Variants in RBFOX1 observed in about 807,000 individuals in gnomAD.
RBFOX1 encodes RNA binding fox-1 homolog 1, also known as RNA binding protein fox-1 homolog 1.
In RBFOX1, 8 loss-of-function variants were observed where a neutral mutation model predicts 57.7. That is an observed-to-expected ratio of 0.14 (90% confidence interval 0.08 to 0.25). RBFOX1 has a LOEUF of 0.25. Among genes scored for constraint, RBFOX1 ranks in the 10% least tolerant of loss-of-function variants. The probability of loss-of-function intolerance (pLI) is 1.00; values close to 1 mark genes in which losing one functional copy is unlikely to be tolerated. For missense variants in RBFOX1, 611 were observed against 548.5 expected (o/e 1.11, Z -1.14); for synonymous variants, 326 against 222.4 (o/e 1.47, Z -4.15).
intron 3 of RBFOX1, among the ~76,000 whole-genome samples, chr16:6,765,418 CTG>C (rs2077191815): frequency 6.6e-6 from 1 of 152,102 alleles, no homozygotes; most frequent in Admixed American, 6.5e-5. Context: ...GGAAAAATAA[CTG>C]TTGAGTATTA....
chr16:7,438,990 A>G (rs1371578682), intron 4 of RBFOX1, among the ~76,000 whole-genome samples: 1 of 152,158 alleles, frequency 6.6e-6, no homozygotes, highest in East Asian at 1.9e-4. Flanking sequence ...GAGAATCTTT[A>G]ATGAGGGCAG....
chr16:6,850,091 C>T (rs961836690), intron 3 of RBFOX1, among the ~76,000 whole-genome samples: 1 of 152,168 alleles, frequency 6.6e-6, no homozygotes, highest in Non-Finnish European at 1.5e-5. Context: ...TTGACATGGA[C>T]TCTTAAGTAT....
chr16:7,343,652 G>A (rs920501913), intron 4 of RBFOX1, among the ~76,000 whole-genome samples: 5 of 152,064 alleles, frequency 3.3e-5, no homozygotes, highest in Admixed American at 6.5e-5. Flanking sequence ...TTCACTTGTC[G>A]TACCTAATTG....
intron 4 of RBFOX1, among the ~76,000 whole-genome samples, chr16:7,311,872 C>A (rs557800428): frequency 3.3e-5 from 5 of 152,212 alleles, no homozygotes; most frequent in Admixed American, 6.5e-5. Flanking sequence ...GAGCTGAAGG[C>A]TTAATCCCAA....
chr16:6,173,899 GT>G (rs140365278), intron 1 of RBFOX1, among the ~76,000 whole-genome samples: 5,366 of 151,548 alleles, frequency 0.035, 300 homozygotes, highest in African/African-American at 0.12. Context: ...TTGTTTGTTT[GT>G]TTTTTTTACT....
At position 6,969,176 on chromosome 16, in the gene RBFOX1, C is replaced by G. The variant is rs368380963; in HGVS notation, c.-15-82881C>G. Among the ~76,000 whole-genome samples the G allele has an allele frequency of 4.6e-5, 7 of 152,264 alleles. No individual in the cohort carries two copies. In the East Asian group the frequency reaches 5.8e-4, roughly 13 times the overall value. The stretch of plus-strand genomic sequence containing the variant: ...TCTGTCCCCAAAATAGGTAACTTAA[C>G]TTCTCTTAACTCCTCACTACATTCC... On this transcript the variant is annotated intron_variant, in intron 3 of 15. Coordinates refer to ENST00000550418, the MANE Select transcript of RBFOX1 (RefSeq NM_018723.4).
intron 14 of RBFOX1, among the ~76,000 whole-genome samples, chr16:7,689,580 C>G (rs947912869): frequency 2.0e-5 from 3 of 152,036 alleles, no homozygotes; most frequent in Admixed American, 1.3e-4. Flanking sequence ...ACCCAGGAAT[C>G]TATACCTTGA....
At chr16:6,444,537 C>T (rs1379791459) in intron 2 of RBFOX1, among the ~76,000 whole-genome samples, 2 of 152,158 alleles carry the variant, frequency 1.3e-5, no homozygotes, top group Non-Finnish European at 2.9e-5. Context: ...CTCTCTTTGC[C>T]TGCTGCCATC....
intron 1 of RBFOX1, among the ~76,000 whole-genome samples, chr16:6,188,806 T>G (rs187705536): frequency 6.6e-6 from 1 of 152,310 alleles, no homozygotes; most frequent in Non-Finnish European, 1.5e-5. Context: ...CTACCGCTGA[T>G]ACTTTGAAGC....
chr16:5,663,133 G>C (rs1403956398), intron 3 of RBFOX1, among the ~76,000 whole-genome samples: 3 of 152,152 alleles, frequency 2.0e-5, no homozygotes, highest in Admixed American at 2.0e-4. Flanking sequence ...CAACGCATAG[G>C]ACAGCTGTCT....
chr16:7,685,875 G>A (rs1347339536), intron 14 of RBFOX1, among the ~76,000 whole-genome samples: 1 of 151,970 alleles, frequency 6.6e-6, no homozygotes, highest in Non-Finnish European at 1.5e-5. Flanking sequence ...ATATAGACAT[G>A]CACTAGCAAA....
intron 5 of RBFOX1, among the ~76,000 whole-genome samples, chr16:7,531,830 T>C (rs761732751): frequency 3.3e-5 from 5 of 152,138 alleles, no homozygotes; most frequent in Non-Finnish European, 5.9e-5. Context: ...TTAACAATCC[T>C]GCAAGTCTGT....
At chr16:7,547,694 G>A (rs533038061) in intron 5 of RBFOX1, among the ~76,000 whole-genome samples, 8 of 152,236 alleles carry the variant, frequency 5.3e-5, no homozygotes, top group South Asian at 4.2e-4. Context: ...TTTTATTTTC[G>A]TGTTTTTAAG....
At chr16:6,784,142 T>A (rs764453486) in intron 3 of RBFOX1, among the ~76,000 whole-genome samples, 1 of 152,126 alleles carries the variant, frequency 6.6e-6, no homozygotes, top group African/African-American at 2.4e-5. Flanking sequence ...TGCTTGACTT[T>A]CTTGTACCTG....
chr16:6,911,612 A>C (rs1348401716), intron 3 of RBFOX1, among the ~76,000 whole-genome samples: 1 of 152,176 alleles, frequency 6.6e-6, no homozygotes, highest in Non-Finnish European at 1.5e-5. Flanking sequence ...CCTGCTTCCA[A>C]ATCACGTCTC....
chr16:5,970,582 A>C (rs1051576188), intron 4 of RBFOX1, among the ~76,000 whole-genome samples: 1 of 152,318 alleles, frequency 6.6e-6, no homozygotes, highest in South Asian at 2.1e-4. Flanking sequence ...GACCCTGAGT[A>C]ATTTTACAGT....
intron 4 of RBFOX1, among the ~76,000 whole-genome samples, chr16:5,958,016 A>G (rs1267998058): frequency 2.0e-5 from 3 of 151,928 alleles, no homozygotes; most frequent in Non-Finnish European, 4.4e-5. Context: ...CTCTATGTCC[A>G]TATGTTCAAT....
At chr16:5,264,669 C>A (rs2062815109) in intron 1 of RBFOX1, among the ~76,000 whole-genome samples, 1 of 152,082 alleles carries the variant, frequency 6.6e-6, no homozygotes, top group Non-Finnish European at 1.5e-5. Flanking sequence ...TCATGCATTG[C>A]CCTGTGATGG....
chr16:6,437,595 G>A, intron 2 of RBFOX1, among the ~76,000 whole-genome samples: 1 of 152,126 alleles, frequency 6.6e-6, no homozygotes. Context: ...CTGCTATGAA[G>A]AACTACCTGA....
Sources: allele counts gnomAD v4.1 joint callset (sites outside exome capture counted in the v4.1 genomes callset), GRCh38; gene constraint gnomAD v4.1.1; transcripts MANE v1.5; gene names NCBI Gene and HGNC (gene_info 2026-07-23, HGNC 2026-07-21).